The following FANCB variants were observed in gnomAD, a reference collection of about 807,000 sequenced individuals.
The protein encoded by FANCB is FA complementation group B.
A neutral mutation model predicts 38.9 loss-of-function variants in FANCB; 5 were observed. The ratio of observed to expected loss-of-function variants is 0.13; its 90% CI spans 0.07 to 0.27. The LOEUF is 0.27. Among genes scored for constraint, FANCB ranks in the 10% least tolerant of loss-of-function variants. The pLI, the probability that FANCB is intolerant of heterozygous loss-of-function variation, is 1.00. For missense variants in FANCB, 573 were observed against 602.7 expected, an observed-to-expected ratio of 0.95 and a Z score of 0.52; for synonymous variants, 236 against 215.4, an observed-to-expected ratio of 1.10 and a Z score of -0.84.
chrX:14,789,652 T>C, the FANCB span, among the ~76,000 whole-genome samples: 1 of 112,043 alleles, frequency 8.9e-6, no homozygotes. Context: ...TGGAAATGGC[T>C]TGGATTAAGT....
chrX:14,799,324 T>A, the FANCB span, among the ~76,000 whole-genome samples: 73 of 112,028 alleles, frequency 6.5e-4, no homozygotes, highest in African/African-American at 2.2e-3. Flanking sequence ...CGCAAAGTTG[T>A]CAAGGGCCCA....
At chrX:14,732,130 C>T in the FANCB span, among the ~76,000 whole-genome samples, 5 of 110,432 alleles carry the variant, frequency 4.5e-5, no homozygotes, top group East Asian at 2.8e-4. Flanking sequence ...TGAGAACATG[C>T]GGTGTTTGTT....
At chrX:14,815,600 C>T in the FANCB span, among the ~76,000 whole-genome samples, 1 of 112,074 alleles carries the variant, frequency 8.9e-6, no homozygotes, top group African/African-American at 3.2e-5. Context: ...CTATGGAAAA[C>T]AGTATGGAGA....
the FANCB span, among the ~76,000 whole-genome samples, chrX:14,804,748 T>C: frequency 2.7e-5 from 3 of 112,578 alleles, no homozygotes; most frequent in African/African-American, 9.7e-5. Flanking sequence ...TTTCTACCCA[T>C]AGCAGATAGA....
chrX:14,741,309 C>T, the FANCB span, among the ~76,000 whole-genome samples: 1 of 111,360 alleles, frequency 9.0e-6, no homozygotes, highest in Admixed American at 9.5e-5. Flanking sequence ...ACTATATATC[C>T]TTAAGGGTAT....
At chrX:14,731,705 A>AT in the FANCB span, 1 of 111,963 alleles carries the variant, frequency 8.9e-6, no homozygotes, top group African/African-American at 3.3e-5. Flanking sequence ...GCTTACTCAG[A>AT]TAAAAGACAA....
the FANCB span, among the ~76,000 whole-genome samples, chrX:14,804,194 T>C: frequency 4.4e-4 from 49 of 111,974 alleles, no homozygotes; most frequent in African/African-American, 1.4e-3. Context: ...CATATGTTTA[T>C]TGCGGCACTA....
At chrX:14,841,556 TAC>T (rs1406532394), downstream of FANCB, among the ~76,000 whole-genome samples, 2 of 112,157 alleles carry the variant, frequency 1.8e-5, no homozygotes, top group Non-Finnish European at 3.8e-5. Context: ...TTGAAGGGTC[TAC>T]AGTTTTTGAA....
intron 5 of FANCB, among the ~76,000 whole-genome samples, chrX:14,855,312 C>T (rs1268226797): frequency 8.9e-6 from 1 of 112,054 alleles, no homozygotes; most frequent in East Asian, 2.8e-4. Context: ...ACGTCATGTG[C>T]AAAATGGTGC....
chrX:14,865,977 C>G (rs1191142172), intron 2 of FANCB, among the ~76,000 whole-genome samples: 2 of 111,605 alleles, frequency 1.8e-5, no homozygotes, highest in Non-Finnish European at 3.8e-5. Flanking sequence ...TTTAGAATGA[C>G]AATTCAATTA....
At chrX:14,792,808 G>T in the FANCB span, among the ~76,000 whole-genome samples, 1 of 111,125 alleles carries the variant, frequency 9.0e-6, no homozygotes, top group Non-Finnish European at 1.9e-5. Context: ...GCAACCGAGG[G>T]CATTAGTTGT....
the FANCB span, among the ~76,000 whole-genome samples, chrX:14,815,190 G>T: frequency 1.1e-4 from 12 of 110,537 alleles, no homozygotes; most frequent in Non-Finnish European, 1.9e-4. Context: ...GGCAGGGGGA[G>T]GGATAGCATT....
chrX:14,821,987 GGAA>G, the FANCB span, among the ~76,000 whole-genome samples: 3 of 111,819 alleles, frequency 2.7e-5, no homozygotes, highest in African/African-American at 9.8e-5. Context: ...TTGTCAGAAG[GGAA>G]GAAGAGCACC....
chrX:14,690,653 C>T, the FANCB span: 40 of 868,953 alleles, frequency 4.6e-5, no homozygotes, highest in Admixed American at 1.9e-4. Flanking sequence ...CTTTCATAGT[C>T]TTTCTTTCTC....
At chrX:14,856,953 T>G (rs1413364576) in intron 5 of FANCB, among the ~76,000 whole-genome samples, 1 of 112,298 alleles carries the variant, frequency 8.9e-6, no homozygotes, top group Non-Finnish European at 1.9e-5. Context: ...AAGGGATCAT[T>G]AACAATTTTC....
At chrX:14,819,580 G>A in the FANCB span, among the ~76,000 whole-genome samples, 2 of 111,169 alleles carry the variant, frequency 1.8e-5, no homozygotes, top group African/African-American at 6.5e-5. Context: ...TTGTTTGATT[G>A]GTTGGTTGGG....
chrX:14,767,788 G>T, the FANCB span, among the ~76,000 whole-genome samples: 1 of 112,150 alleles, frequency 8.9e-6, no homozygotes, highest in Non-Finnish European at 1.9e-5. Flanking sequence ...GTATTGCCTA[G>T]ATTTTCTTCC....
the FANCB span, among the ~76,000 whole-genome samples, chrX:14,775,160 G>GTTTTTTTTTTTTT: frequency 5.1e-4 from 18 of 34,999 alleles, 2 homozygotes; most frequent in Non-Finnish European, 7.8e-4. Context: ...TTTCTCTAAT[G>GTTTTTTTTTTTTT]TTTTTTTTTT....
chrX:14,772,754 T>C, the FANCB span, among the ~76,000 whole-genome samples: 1 of 110,568 alleles, frequency 9.0e-6, no homozygotes, highest in Non-Finnish European at 1.9e-5. Flanking sequence ...CCTGAGCAGC[T>C]GCTCTGCCAC....
Sources: allele counts gnomAD v4.1 joint callset (sites outside exome capture counted in the v4.1 genomes callset), GRCh38; gene constraint gnomAD v4.1.1; transcripts MANE v1.5; gene names NCBI Gene and HGNC (gene_info 2026-07-23, HGNC 2026-07-21).